Variants in PRR5L observed in about 807,000 individuals in gnomAD.
PRR5L encodes proline-rich protein 5-like.
In PRR5L, 21 loss-of-function variants were observed where a neutral mutation model predicts 36.4. The observed-to-expected ratio is 0.58, with a 90% confidence interval of 0.41 to 0.83. PRR5L has a LOEUF of 0.83. Ranked by LOEUF, PRR5L falls within the 40% of genes least tolerant of loss-of-function variation. The pLI is 0.00. For synonymous variants in PRR5L, 188 were observed against 197.0 expected, an observed-to-expected ratio of 0.95 and a Z score of 0.38; for missense variants, 381 against 473.3, an observed-to-expected ratio of 0.80 and a Z score of 1.81.
chr11:36,424,370 A>T (rs927652659), intron 4 of PRR5L, among the ~76,000 whole-genome samples: 1 of 152,206 alleles, frequency 6.6e-6, no homozygotes, highest in Non-Finnish European at 1.5e-5. Context: ...CTACACAAGT[A>T]TGTATTTGCA....
rs143550087 is a variant in PRR5L at position 36,354,582 on chromosome 11, A to G, written c.-125-46415A>G. ...TCATTTTTTAAAATTGAAAGTGAGA[A>G]AATGTATTGCAATAGGACCATTCTA... On this transcript the variant is annotated intron_variant, in intron 1 of 8. Transcript: ENST00000530639. Among the ~76,000 whole-genome samples, 18 of 152,334 alleles carry G rather than the reference A, an allele frequency of 1.2e-4. 1 individual carries two copies. In the East Asian group the frequency reaches 3.3e-3, roughly 28 times the overall value.
intron 4 of PRR5L, among the ~76,000 whole-genome samples, chr11:36,430,681 TATGTGTTTATAATGATTA>T (rs1235226395): frequency 1.3e-5 from 2 of 152,320 alleles, no homozygotes; most frequent in East Asian, 1.9e-4. Flanking sequence ...ATACTGTGTG[TATGTGTTTATAATGATTA>T]ATGTGTTTAT....
At chr11:36,376,216 A>C in intron 1 of PRR5L, 1 of 1,277,848 alleles carries the variant, frequency 7.8e-7, no homozygotes, top group Non-Finnish European at 1.0e-6. Context: ...GCTGAAGGGG[A>C]GGAGGAGTGA....
In PRR5L at chr11:36,446,445, G is replaced by T; in HGVS notation, c.585+5G>T. On this transcript the variant is annotated splice_donor_5th_base_variant and intron_variant, in intron 7 of 8. Transcript: ENST00000530639. The stretch of plus-strand genomic sequence containing the variant: ...CAGATGTTGCTCATCCTGCAGGTGA[G>T]GCTGTGCTGGAGACTTGCCCCAAGG... 6.2e-7 allele frequency: 1 copy of T among 1,613,964 alleles called. No individual in the cohort carries two copies. The highest frequency in any genetic ancestry group is 8.5e-7 in the Non-Finnish European group (1 of 1,179,936).
intron 1 of PRR5L, among the ~76,000 whole-genome samples, chr11:36,352,916 T>C (rs1856990776): frequency 6.6e-6 from 1 of 152,188 alleles, no homozygotes; most frequent in South Asian, 2.1e-4. Context: ...TCACATAGAT[T>C]TCTGCCTTGT....
chr11:36,373,518 G>T (rs1857218086), intron 1 of PRR5L, among the ~76,000 whole-genome samples: 1 of 151,388 alleles, frequency 6.6e-6, no homozygotes, highest in Non-Finnish European at 1.5e-5. Flanking sequence ...AGGCTCAGTT[G>T]AGCCCAGAAA....
intron 3 of PRR5L, among the ~76,000 whole-genome samples, chr11:36,416,525 C>T (rs1365120): frequency 0.74 from 113,153 of 152,104 alleles, 45,103 homozygotes; most frequent in Non-Finnish European, 0.88. Context: ...ATCAGCATGG[C>T]GAAAGGCCCC....
intron 1 of PRR5L, among the ~76,000 whole-genome samples, chr11:36,299,875 AAACAACAAC>A (rs199578894): frequency 3.3e-5 from 5 of 152,200 alleles, no homozygotes; most frequent in African/African-American, 7.2e-5. Flanking sequence ...CTATAAAGGT[AAACAACAAC>A]AACAACAACA....
At chr11:36,324,754 C>G (rs1003863916) in intron 1 of PRR5L, among the ~76,000 whole-genome samples, 2 of 151,976 alleles carry the variant, frequency 1.3e-5, no homozygotes, top group African/African-American at 2.4e-5. Context: ...TTAGACAATA[C>G]TGAAAACTAA....
chr11:36,393,567 T>C (rs1367033209), intron 1 of PRR5L, among the ~76,000 whole-genome samples: 1 of 152,212 alleles, frequency 6.6e-6, no homozygotes, highest in Non-Finnish European at 1.5e-5. Flanking sequence ...ACTATGCTGT[T>C]TTGGTTACTA....
intron 4 of PRR5L, among the ~76,000 whole-genome samples, chr11:36,428,290 C>T (rs547221335): frequency 1.1e-4 from 16 of 152,156 alleles, no homozygotes; most frequent in Non-Finnish European, 2.2e-4. Context: ...GTTCTGTTAT[C>T]CCTTCAGACT....
At chr11:36,384,836 C>CT (rs370922452) in intron 1 of PRR5L, among the ~76,000 whole-genome samples, 2,124 of 133,500 alleles carry the variant, frequency 0.016, 46 homozygotes, top group East Asian at 0.096. Context: ...CCATGCCTGG[C>CT]TTTTTTTTTT....
intron 8 of PRR5L, among the ~76,000 whole-genome samples, chr11:36,451,878 T>A (rs1002030724): frequency 5.3e-5 from 8 of 152,160 alleles, no homozygotes; most frequent in African/African-American, 1.7e-4. Context: ...GGGGCCTTTT[T>A]TTGATGGCTG....
At chr11:36,425,520 C>T (rs1029043632) in intron 4 of PRR5L, 1 of 152,210 alleles carries the variant, frequency 6.6e-6, no homozygotes, top group African/African-American at 2.4e-5. Flanking sequence ...GACTGTCTTC[C>T]TTCTTCCTTA....
intron 1 of PRR5L, among the ~76,000 whole-genome samples, chr11:36,389,476 A>G (rs1201745927): frequency 6.6e-6 from 1 of 152,228 alleles, no homozygotes; most frequent in Non-Finnish European, 1.5e-5. Context: ...CAACCATTTG[A>G]CAGACAAGGA....
At position 36,462,657 on chromosome 11, in the gene PRR5L, CT is replaced by C; in HGVS notation, c.1029del (p.Asp344ThrfsTer19). ...HRQCSSEPNI[T>X]DNPDGLEEGA... ...CAGTGCTCCAGTGAGCCCAACATCACTGACAACCCTGACGGACTGGAGGAGG... is the reference window on the plus strand; with the variant it reads ...CAGTGCTCCAGTGAGCCCAACATCACGACAACCCTGACGGACTGGAGGAGG... On this transcript the variant is annotated frameshift_variant, in exon 9 of 9. Coordinates refer to ENST00000530639, the MANE Select transcript of PRR5L (RefSeq NM_001160167.2). LOFTEE classifies it high-confidence loss of function. 1 of 1,610,634 alleles carries C rather than the reference CT, an allele frequency of 6.2e-7. No individual in the cohort carries two copies. The highest frequency in any genetic ancestry group is 8.5e-7 in the Non-Finnish European group (1 of 1,179,084).
At chr11:36,350,974 ATATATT>A (rs1590469117) in intron 1 of PRR5L, among the ~76,000 whole-genome samples, 1 of 78,958 alleles carries the variant, frequency 1.3e-5, no homozygotes, top group African/African-American at 6.1e-5. Flanking sequence ...ATATATTTAT[ATATATT>A]TATATATTTA....
chr11:36,316,700 T>C (rs949354910), intron 1 of PRR5L, among the ~76,000 whole-genome samples: 4 of 152,168 alleles, frequency 2.6e-5, no homozygotes, highest in Non-Finnish European at 5.9e-5. Flanking sequence ...ACAATAGTGA[T>C]GTTATCCCTA....
At chr11:36,356,221 T>C (rs900944239) in intron 1 of PRR5L, among the ~76,000 whole-genome samples, 2 of 152,150 alleles carry the variant, frequency 1.3e-5, no homozygotes, top group African/African-American at 4.8e-5. Context: ...CAACACCTGA[T>C]CTATTTTTAA....
Sources: allele counts gnomAD v4.1 joint callset (sites outside exome capture counted in the v4.1 genomes callset), GRCh38; gene constraint gnomAD v4.1.1; transcripts MANE v1.5; gene names NCBI Gene and HGNC (gene_info 2026-07-23, HGNC 2026-07-21).